EPHA6: variants seen among roughly 807,000 people sequenced by gnomAD.
The protein encoded by EPHA6 is EPH receptor A6, also known as ephrin type-A receptor 6.
In EPHA6, 50 loss-of-function variants were observed where a neutral mutation model predicts 112.0. The ratio of observed to expected loss-of-function variants is 0.45; its 90% CI spans 0.36 to 0.56. The LOEUF is 0.56. Among genes scored for constraint, EPHA6 ranks in the 20% least tolerant of loss-of-function variants. The pLI, the probability that EPHA6 is intolerant of heterozygous loss-of-function variation, is 0.00. For missense variants in EPHA6, 1,280 were observed against 1,417.4 expected (o/e 0.90, Z 1.56); for synonymous variants, 529 against 490.7 (o/e 1.08, Z -1.03).
intron 7 of EPHA6, among the ~76,000 whole-genome samples, chr3:97,467,300 T>G (rs549423919): frequency 1.1e-4 from 16 of 151,960 alleles, no homozygotes; most frequent in Admixed American, 1.1e-3. Context: ...TCATTTTCTT[T>G]AAATATTTTT....
At chr3:97,038,899 T>C (rs2045210518) in intron 3 of EPHA6, among the ~76,000 whole-genome samples, 1 of 152,078 alleles carries the variant, frequency 6.6e-6, no homozygotes, top group South Asian at 2.1e-4. Context: ...GTTTTTTCAC[T>C]TTTCTGTAGC....
In EPHA6 at chr3:97,477,805, C is replaced by T. The variant is rs80029505; in HGVS notation, c.2004-1489C>T. 3.8e-3 allele frequency among the ~76,000 whole-genome samples: 474 copies of T among 123,604 alleles called. 16 individuals are homozygous for T. The East Asian group carries it at 0.09, about 23-fold the overall frequency. The allele number at this position is 123,604 out of a possible 152,430, so 81.1% of individuals were successfully genotyped here. Reference sequence around the variant, plus strand: ...TCTAATTATCATGAAGGACAATCTGCTTTGGAGCCCAGAAAGTTTATTTAG... The same window carrying T: ...TCTAATTATCATGAAGGACAATCTGTTTTGGAGCCCAGAAAGTTTATTTAG... On this transcript the variant is annotated intron_variant, in intron 8 of 17. Transcript: ENST00000389672.
chr3:97,031,530 T>A (rs1366856105), intron 3 of EPHA6, among the ~76,000 whole-genome samples: 1 of 151,586 alleles, frequency 6.6e-6, no homozygotes, highest in South Asian at 2.1e-4. Context: ...TGGGAGAAAA[T>A]TTTTGCAACC....
chr3:97,229,095 T>C (rs1294044559), intron 4 of EPHA6, among the ~76,000 whole-genome samples: 1 of 152,204 alleles, frequency 6.6e-6, no homozygotes, highest in African/African-American at 2.4e-5. Context: ...GCTGATTTGT[T>C]TGAGTTCCTT....
At chr3:97,249,632 G>A (rs998560863) in intron 5 of EPHA6, among the ~76,000 whole-genome samples, 1 of 152,096 alleles carries the variant, frequency 6.6e-6, no homozygotes, top group Non-Finnish European at 1.5e-5. Flanking sequence ...CGGTGTCACT[G>A]TCTCACTGGA....
At chr3:96,905,205 T>G (rs543146412) in intron 2 of EPHA6, among the ~76,000 whole-genome samples, 5 of 152,228 alleles carry the variant, frequency 3.3e-5, no homozygotes, top group African/African-American at 4.8e-5. Flanking sequence ...CAAATAGAAT[T>G]TCATCAAATT....
chr3:97,299,236 T>TGTAGTGGG (rs1447564913), intron 5 of EPHA6, among the ~76,000 whole-genome samples: 1 of 151,154 alleles, frequency 6.6e-6, no homozygotes, highest in Non-Finnish European at 1.5e-5. Context: ...TGTGTGTGTG[T>TGTAGTGGG]GTAGTGGGGA....
rs575307021 is a variant in EPHA6, at chr3:97,565,679, T to C, written c.2387-26933T>C. Among the ~76,000 whole-genome samples, 3 of 152,226 alleles carry C rather than the reference T, an allele frequency of 2.0e-5. No individual in the cohort carries two copies. The East Asian group carries it at 5.8e-4, about 29-fold the overall frequency. ...ATTTTAGCTCTTGTATTAGTCAGCT[T>C]TTTGCATTATTATAAAGGAATATCT... On this transcript the variant is annotated intron_variant, in intron 11 of 17. Transcript: ENST00000389672.
intron 14 of EPHA6, among the ~76,000 whole-genome samples, chr3:97,651,878 TA>T (rs1447931616): frequency 6.6e-6 from 1 of 152,022 alleles, no homozygotes; most frequent in Non-Finnish European, 1.5e-5. Context: ...TTCAGAGGTT[TA>T]TGTGCAGGTT....
chr3:96,923,894 C>T (rs569375014), intron 2 of EPHA6, among the ~76,000 whole-genome samples: 3 of 152,164 alleles, frequency 2.0e-5, no homozygotes, highest in South Asian at 2.1e-4. Context: ...GGAATCTTTC[C>T]CCATTGCTTG....
At chr3:96,972,530 G>A (rs2107788192) in intron 2 of EPHA6, among the ~76,000 whole-genome samples, 1 of 151,942 alleles carries the variant, frequency 6.6e-6, no homozygotes, top group South Asian at 2.1e-4. Flanking sequence ...CGTGTTATTA[G>A]AATATTTCCT....
At chr3:96,904,172 G>A (rs1428207113) in intron 2 of EPHA6, among the ~76,000 whole-genome samples, 1 of 151,918 alleles carries the variant, frequency 6.6e-6, no homozygotes, top group Non-Finnish European at 1.5e-5. Context: ...GTTTATTGTG[G>A]CAGTATTCAC....
chr3:96,896,040 A>G (rs769364102), intron 2 of EPHA6, among the ~76,000 whole-genome samples: 2 of 152,216 alleles, frequency 1.3e-5, no homozygotes, highest in Non-Finnish European at 2.9e-5. Flanking sequence ...TGTTTGCACA[A>G]TGATGAAATC....
At chr3:97,336,014 G>A (rs1008633167) in intron 5 of EPHA6, among the ~76,000 whole-genome samples, 1 of 152,128 alleles carries the variant, frequency 6.6e-6, no homozygotes, top group Non-Finnish European at 1.5e-5. Flanking sequence ...TACAAAGTCT[G>A]CAAAATATCT....
chr3:97,426,135 C>T (rs1210180977), intron 6 of EPHA6, among the ~76,000 whole-genome samples: 1 of 152,184 alleles, frequency 6.6e-6, no homozygotes, highest in African/African-American at 2.4e-5. Flanking sequence ...AGTATCTTTA[C>T]ACCATCACCC....
intron 3 of EPHA6, among the ~76,000 whole-genome samples, chr3:96,990,798 A>G (rs1464561129): frequency 1.3e-5 from 2 of 152,022 alleles, no homozygotes; most frequent in Non-Finnish European, 1.5e-5. Flanking sequence ...TTTTATTGCC[A>G]TCTATTCATA....
intron 3 of EPHA6, among the ~76,000 whole-genome samples, chr3:97,164,706 T>C (rs2076498927): frequency 6.6e-6 from 1 of 152,054 alleles, no homozygotes; most frequent in African/African-American, 2.4e-5. Context: ...GCAAATGATA[T>C]TTTGGGAGAC....
intron 14 of EPHA6, among the ~76,000 whole-genome samples, chr3:97,709,213 G>A (rs945913351): frequency 2.0e-5 from 3 of 152,022 alleles, no homozygotes; most frequent in African/African-American, 7.2e-5. Flanking sequence ...GCAGCCAATG[G>A]GGCTGTACCC....
chr3:96,896,581 A>G (rs1040412857), intron 2 of EPHA6, among the ~76,000 whole-genome samples: 3 of 152,208 alleles, frequency 2.0e-5, no homozygotes, highest in African/African-American at 7.2e-5. Context: ...AGCCTGTGGC[A>G]TCAGGTCTCC....
Sources: gnomAD v4.1 joint callset for allele counts (sites outside exome capture counted in the v4.1 genomes callset) on GRCh38, gnomAD v4.1.1 for gene constraint, MANE v1.5 for transcripts, NCBI Gene and HGNC (gene_info 2026-07-23, HGNC 2026-07-21) for gene names.